The following ZMYM4 variants were observed in gnomAD, a reference collection of about 807,000 sequenced individuals.
ZMYM4 encodes zinc finger MYM-type protein 4.
In ZMYM4, 31 loss-of-function variants were observed where a neutral mutation model predicts 183.2. The ratio of observed to expected loss-of-function variants is 0.17; its 90% CI spans 0.13 to 0.23. The LOEUF (loss-of-function observed/expected upper bound fraction) is 0.23, where lower values mean the gene tolerates loss of function less well. Among genes scored for constraint, ZMYM4 ranks in the 10% least tolerant of loss-of-function variants. ZMYM4 has a pLI of 1.00. For missense variants in ZMYM4, 1,273 were observed against 1,840.3 expected (o/e 0.69, Z 5.64); for synonymous variants, 592 against 631.2 (o/e 0.94, Z 0.93).
intron 5 of ZMYM4, among the ~76,000 whole-genome samples, chr1:35,364,953 T>C (rs1284342824): frequency 6.6e-6 from 1 of 152,218 alleles, no homozygotes; most frequent in Non-Finnish European, 1.5e-5. Context: ...TTGCCAGTCA[T>C]TGTCCGTCCT....
chr1:35,376,253 A>G (rs796074737), intron 7 of ZMYM4, among the ~76,000 whole-genome samples: 3 of 152,292 alleles, frequency 2.0e-5, no homozygotes, highest in African/African-American at 7.2e-5. Context: ...TCATTCTGTC[A>G]TAAGATATAA....
At chr1:35,405,495 A>G (rs778226767) in intron 25 of ZMYM4, 27 bp downstream of exon 25, 5 of 1,510,492 alleles carry the variant, frequency 3.3e-6, no homozygotes, top group Non-Finnish European at 4.5e-6. Context: ...TCCATTTGGT[A>G]TGAATTATTT....
Position 35,389,063 on chromosome 1 carries a change from A to G in ZMYM4, c.2417A>G (p.Tyr806Cys). ...EFCCEECMSK[Y>C]TVLFYQMAKC... ...TGTTGTGAAGAATGCATGTCCAAAT[A>G]TACAGTTTTGTTCTATCAGGTAAAT... is the stretch of plus-strand genomic sequence containing the variant. The change falls in exon 14 of 30, where the codon TAT (tyrosine) becomes TGT (cysteine). Residue 806 changes from tyrosine to cysteine, a missense_variant. Coordinates refer to ENST00000314607, the MANE Select transcript of ZMYM4 (RefSeq NM_005095.3). The surrounding 1 kb of genome is among the most constrained non-coding windows in gnomAD (Gnocchi z 4.0). 1.9e-6 allele frequency: 3 copies of G among 1,613,794 alleles called. No individual in the cohort carries two copies. Among genetic ancestry groups the G allele is most frequent in the Non-Finnish European group, 2.5e-6 (3 of 1,179,958 alleles).
intron 7 of ZMYM4, among the ~76,000 whole-genome samples, chr1:35,373,309 T>C (rs1029681059): frequency 1.3e-5 from 2 of 151,156 alleles, no homozygotes; most frequent in African/African-American, 4.8e-5. Flanking sequence ...TACTTCAATA[T>C]ACCCAGCACA....
At chr1:35,340,158 A>C (rs1385399258) in intron 2 of ZMYM4, among the ~76,000 whole-genome samples, 1 of 152,158 alleles carries the variant, frequency 6.6e-6, no homozygotes, top group South Asian at 2.1e-4. Context: ...TTTAATTATC[A>C]TGAATGTGTA....
chr1:35,370,808 G>A, intron 7 of ZMYM4, 181 bp downstream of exon 7: 3 of 693,136 alleles, frequency 4.3e-6, no homozygotes, highest in Non-Finnish European at 4.0e-6. Context: ...TCTTCCAGGT[G>A]CTAGGTGCTC....
At chr1:35,287,441 A>G (rs539336110) in intron 1 of ZMYM4, among the ~76,000 whole-genome samples, 5 of 152,046 alleles carry the variant, frequency 3.3e-5, no homozygotes, top group South Asian at 2.1e-4. Context: ...TTTTGTCTTT[A>G]AAACTAAAAA....
intron 1 of ZMYM4, among the ~76,000 whole-genome samples, chr1:35,300,621 G>A (rs1182913360): frequency 6.6e-6 from 1 of 151,964 alleles, no homozygotes; most frequent in Non-Finnish European, 1.5e-5. Context: ...ATTTTGGACT[G>A]TTTCTTTTGC....
chr1:35,378,900 T>G (rs748805578), intron 7 of ZMYM4, among the ~76,000 whole-genome samples: 5 of 152,220 alleles, frequency 3.3e-5, no homozygotes, highest in Non-Finnish European at 7.3e-5. Flanking sequence ...AGAGATAGCT[T>G]CTTTCGTTAA....
intron 5 of ZMYM4, among the ~76,000 whole-genome samples, chr1:35,367,241 CAG>C (rs1346138123): frequency 6.6e-6 from 1 of 150,488 alleles, no homozygotes; most frequent in Non-Finnish European, 1.5e-5. Context: ...TTTTAAAAGA[CAG>C]AGTTTCACTC....
chr1:35,351,609 C>G lies in ZMYM4; in HGVS notation c.86-7316C>G, dbSNP rs982195646. 3 of 668,580 alleles carry G rather than the reference C, an allele frequency of 4.5e-6. No homozygotes were observed. The African/African-American group carries it at 5.4e-5, about 12-fold the overall frequency. 41.4% of individuals were successfully genotyped at this position (668,580 alleles called of 1,614,324 possible). On this transcript the variant is annotated intron_variant, in intron 2 of 29. Transcript: ENST00000314607. ...CAGGAGCAGGCTGCTGAGAGCTAAA[C>G]CAAACAATTTTCTATGAGGATTTTT...
rs539535514 is a variant in ZMYM4, at chr1:35,282,666, C to A, written c.39+13581C>A. Among the ~76,000 whole-genome samples, 14 of 152,212 alleles carry A rather than the reference C, an allele frequency of 9.2e-5. No individual in the cohort carries two copies. The East Asian group carries it at 2.7e-3, about 29-fold the overall frequency. Reference sequence around the variant, plus strand: ...TACCTCCCTGGTTTAAGCTGTCCTCCCACCTCAGCCCCACAAGTAGCTGGG... The same window carrying A: ...TACCTCCCTGGTTTAAGCTGTCCTCACACCTCAGCCCCACAAGTAGCTGGG... On this transcript the variant is annotated intron_variant, in intron 1 of 29. Transcript: ENST00000314607.
rs556268603 is a variant in ZMYM4 at position 35,357,749 on chromosome 1, C to T, written c.86-1176C>T. ...ATTTTAGAGATGCTAAGTTGGAGAA[C>T]GTGTAGGAGCTAGTTGAATATAGAC... On this transcript the variant is annotated intron_variant, in intron 2 of 29. Transcript: ENST00000314607. Among the ~76,000 whole-genome samples the T allele has an allele frequency of 3.4e-4, 51 of 152,144 alleles. 1 individual carries two copies. Among genetic ancestry groups the T allele is most frequent in the African/African-American group, 1.2e-3 (51 of 41,518 alleles).
Position 35,273,498 on chromosome 1 carries a change from T to G in ZMYM4, c.39+4413T>G, listed in dbSNP as rs138635112. 8.5e-5 allele frequency among the ~76,000 whole-genome samples: 13 copies of G among 152,300 alleles called. 2 individuals are homozygous for G. The highest frequency in any genetic ancestry group is 2.6e-4 in the African/African-American group (11 of 41,564). On this transcript the variant is annotated intron_variant, in intron 1 of 29. Coordinates refer to ENST00000314607, the MANE Select transcript of ZMYM4 (RefSeq NM_005095.3). The stretch of plus-strand genomic sequence containing the variant: ...ATTTTGTTGTAAAATCCTTGTCTTT[T>G]CAAAGTTTACATACAAAATAATAAC...
chr1:35,293,004 ATT>A (rs58564183), intron 1 of ZMYM4, among the ~76,000 whole-genome samples: 1 of 145,394 alleles, frequency 6.9e-6, no homozygotes. Flanking sequence ...TACCATTAAC[ATT>A]TTTTTTTTTT....
At chr1:35,296,843 C>CTTTCTTTTTTTTTT (rs1553163901) in intron 1 of ZMYM4, among the ~76,000 whole-genome samples, 13 of 95,626 alleles carry the variant, frequency 1.4e-4, no homozygotes, top group East Asian at 7.1e-4. Context: ...TTCTTTCTTT[C>CTTTCTTTTTTTTTT]TTTTTTTTTT....
At chr1:35,400,494 C>T (rs551112765) in intron 23 of ZMYM4, among the ~76,000 whole-genome samples, 20 of 152,098 alleles carry the variant, frequency 1.3e-4, no homozygotes, top group Non-Finnish European at 2.8e-4. Flanking sequence ...CGTGAGCCAC[C>T]GCGCCCGGCC....
At chr1:35,326,639 A>G (rs1354119093) in intron 2 of ZMYM4, among the ~76,000 whole-genome samples, 1 of 152,214 alleles carries the variant, frequency 6.6e-6, no homozygotes, top group Non-Finnish European at 1.5e-5. Flanking sequence ...CTCAGGGCAC[A>G]AGGCAGGAAC....
intron 10 of ZMYM4, 50 bp from the exon 11 acceptor site, chr1:35,386,024 T>G: frequency 7.6e-7 from 1 of 1,313,348 alleles, no homozygotes; most frequent in Non-Finnish European, 1.1e-6. Flanking sequence ...CTCATACTTT[T>G]GTGTACATTT....
Sources: gnomAD v4.1 joint callset for allele counts (sites outside exome capture counted in the v4.1 genomes callset) on GRCh38, gnomAD v4.1.1 for gene constraint, Gnocchi (gnomAD v3.1) non-coding constraint, MANE v1.5 for transcripts, NCBI Gene and HGNC (gene_info 2026-07-23, HGNC 2026-07-21) for gene names.